Variants in KCNH7 observed in about 807,000 individuals in gnomAD.
KCNH7 encodes the protein voltage-gated inwardly rectifying potassium channel KCNH7.
KCNH7 carries 49 observed loss-of-function variants against 120.8 expected under a neutral mutation model. The ratio of observed to expected loss-of-function variants is 0.41; its 90% confidence interval spans 0.32 to 0.51. The LOEUF is 0.51. Among genes scored for constraint, KCNH7 ranks in the 20% least tolerant of loss-of-function variants. The probability of loss-of-function intolerance (pLI) is 0.38; values close to 1 mark genes in which losing one functional copy is unlikely to be tolerated. For synonymous variants in KCNH7, 547 were observed against 516.1 expected (o/e 1.06, Z -0.81); for missense variants, 1,097 against 1,446.6 (o/e 0.76, Z 3.92).
intron 2 of KCNH7, among the ~76,000 whole-genome samples, chr2:162,769,662 T>C (rs1252327793): frequency 6.6e-6 from 1 of 151,808 alleles, no homozygotes; most frequent in Non-Finnish European, 1.5e-5. Flanking sequence ...CTATATATAG[T>C]TTATATATAT....
chr2:162,728,949 G>T (rs1284547358), intron 2 of KCNH7, among the ~76,000 whole-genome samples: 5 of 151,802 alleles, frequency 3.3e-5, no homozygotes, highest in Non-Finnish European at 7.4e-5. Context: ...TTAGATCAAT[G>T]ATCTATTTTG....
intron 2 of KCNH7, among the ~76,000 whole-genome samples, chr2:162,758,526 CGT>C: frequency 6.6e-6 from 1 of 151,758 alleles, no homozygotes; most frequent in South Asian, 2.1e-4. Flanking sequence ...TATATATAAA[CGT>C]ATATATATGT....
In KCNH7 at chr2:162,718,656, G is replaced by A. The variant is rs555668913; in HGVS notation, c.307+117881C>T. 3.3e-5 allele frequency among the ~76,000 whole-genome samples: 5 copies of A among 152,026 alleles called. No individual in the cohort carries two copies. In the East Asian group the frequency reaches 9.7e-4, roughly 29 times the overall value. ...AGTGTCATAGTATAACAAGAGCCAT[G>A]CTATTGAATGGAACAACACTCATTT... On this transcript the variant is annotated intron_variant, in intron 2 of 15. Coordinates refer to ENST00000332142, the MANE Select transcript of KCNH7 (RefSeq NM_033272.4).
chr2:162,394,525 G>C, intron 11 of KCNH7, 40 bp from the exon 12 acceptor site: 1 of 1,140,204 alleles, frequency 8.8e-7, no homozygotes, highest in Non-Finnish European at 1.3e-6. Context: ...AAAGATTACT[G>C]AATTAGAACA....
At chr2:162,453,327 T>C (rs1398628909) in intron 6 of KCNH7, among the ~76,000 whole-genome samples, 1 of 152,222 alleles carries the variant, frequency 6.6e-6, no homozygotes, top group Non-Finnish European at 1.5e-5. Flanking sequence ...TATTCCATGG[T>C]GTACATGTGC....
chr2:162,832,576 T>G (rs1685513944), intron 2 of KCNH7, among the ~76,000 whole-genome samples: 1 of 151,668 alleles, frequency 6.6e-6, no homozygotes, highest in Non-Finnish European at 1.5e-5. Context: ...TAAAAATAAT[T>G]TTATAAAAAC....
chr2:162,728,494 T>C (rs1200826719), intron 2 of KCNH7, among the ~76,000 whole-genome samples: 2 of 152,180 alleles, frequency 1.3e-5, no homozygotes, highest in African/African-American at 4.8e-5. Flanking sequence ...AAAACTTTGA[T>C]GAGGCCAGGC....
intron 6 of KCNH7, among the ~76,000 whole-genome samples, chr2:162,475,288 A>C (rs1038895024): frequency 1.2e-4 from 19 of 152,340 alleles, no homozygotes; most frequent in African/African-American, 4.3e-4. Context: ...TTGACAGTAA[A>C]GCCCTAATAA....
chr2:162,737,933 C>T (rs773651394), intron 2 of KCNH7, among the ~76,000 whole-genome samples: 10 of 151,822 alleles, frequency 6.6e-5, no homozygotes, highest in Non-Finnish European at 1.2e-4. Context: ...CGTATGGTGG[C>T]GCATGCCTAT....
rs563668585 is a variant in KCNH7, at chr2:162,469,863, C to T, written c.1129-23420G>A. On this transcript the variant is annotated intron_variant, in intron 6 of 15. Transcript: ENST00000332142. ...CTGCGATTGCAGGCGCGCGCCGCCA[C>T]GCCTGACTGGTTTTCATATTTTTTT... Among the ~76,000 whole-genome samples, 7 of 152,344 alleles carry T rather than the reference C, an allele frequency of 4.6e-5. No homozygotes were observed. The East Asian group carries it at 7.7e-4, about 17-fold the overall frequency.
intron 2 of KCNH7, among the ~76,000 whole-genome samples, chr2:162,604,292 T>C (rs920942753): frequency 6.6e-6 from 1 of 152,156 alleles, no homozygotes; most frequent in Admixed American, 6.6e-5. Context: ...CTACTCTTTG[T>C]GCTTTTATTA....
At chr2:162,432,336 T>G (rs557875303) in intron 8 of KCNH7, among the ~76,000 whole-genome samples, 2 of 152,124 alleles carry the variant, frequency 1.3e-5, no homozygotes, top group Admixed American at 1.3e-4. Context: ...TGGACTGAAT[T>G]TGTAGAATGT....
At chr2:162,760,342 A>C (rs1326184485) in intron 2 of KCNH7, among the ~76,000 whole-genome samples, 4 of 152,120 alleles carry the variant, frequency 2.6e-5, no homozygotes, top group African/African-American at 9.7e-5. Flanking sequence ...AAATATTTTA[A>C]ATTAATTTAC....
At chr2:162,653,323 G>T (rs1684632581) in intron 2 of KCNH7, among the ~76,000 whole-genome samples, 1 of 152,086 alleles carries the variant, frequency 6.6e-6, no homozygotes, top group Non-Finnish European at 1.5e-5. Flanking sequence ...GTTTGCAAAG[G>T]ACATGATCTC....
chr2:162,826,452 AG>A (rs1685289287), intron 2 of KCNH7, among the ~76,000 whole-genome samples: 1 of 152,232 alleles, frequency 6.6e-6, no homozygotes, highest in African/African-American at 2.4e-5. Flanking sequence ...AGGCTAACTA[AG>A]AAGAGTGATT....
chr2:162,614,786 C>T (rs547625205), intron 2 of KCNH7, among the ~76,000 whole-genome samples: 22 of 149,830 alleles, frequency 1.5e-4, no homozygotes, highest in African/African-American at 5.1e-4. Context: ...AGGATAGTTA[C>T]TTTTTCTAGG....
At chr2:162,413,633 T>G (rs934821232) in intron 9 of KCNH7, among the ~76,000 whole-genome samples, 1 of 152,156 alleles carries the variant, frequency 6.6e-6, no homozygotes, top group Non-Finnish European at 1.5e-5. Flanking sequence ...TCAAACAGAT[T>G]GTGGAGTTTT....
At chr2:162,518,558 T>G (rs2105786596) in intron 3 of KCNH7, among the ~76,000 whole-genome samples, 1 of 151,900 alleles carries the variant, frequency 6.6e-6, no homozygotes, top group Admixed American at 6.6e-5. Flanking sequence ...GGAGTGAGTA[T>G]AGCCTACATA....
At chr2:162,814,159 G>T (rs996564104) in intron 2 of KCNH7, among the ~76,000 whole-genome samples, 4 of 152,116 alleles carry the variant, frequency 2.6e-5, no homozygotes, top group African/African-American at 9.7e-5. Context: ...GGTAGAAAAG[G>T]GAGGGAAAGT....
Sources: gnomAD v4.1 joint callset for allele counts (sites outside exome capture counted in the v4.1 genomes callset) on GRCh38, gnomAD v4.1.1 for gene constraint, MANE v1.5 for transcripts, NCBI Gene and HGNC (gene_info 2026-07-23, HGNC 2026-07-21) for gene names.